The following FNDC3B variants were observed in gnomAD, a reference collection of about 807,000 sequenced individuals.
FNDC3B encodes fibronectin type III domain-containing protein 3B.
A neutral mutation model predicts 151.5 loss-of-function variants in FNDC3B; 12 were observed. That is an observed-to-expected ratio of 0.08 (90% confidence interval 0.05 to 0.13). The LOEUF (loss-of-function observed/expected upper bound fraction) is 0.13, where lower values mean the gene tolerates loss of function less well. FNDC3B is among the 10% of genes least tolerant of loss of function. The pLI, the probability that FNDC3B is intolerant of heterozygous loss-of-function variation, is 1.00. For missense variants in FNDC3B, 1,214 were observed against 1,505.3 expected, an observed-to-expected ratio of 0.81 and a Z score of 3.20; for synonymous variants, 528 against 549.0, an observed-to-expected ratio of 0.96 and a Z score of 0.54.
chr3:172,062,655 C>T (rs1047053682), intron 1 of FNDC3B, among the ~76,000 whole-genome samples: 18 of 152,086 alleles, frequency 1.2e-4, no homozygotes, highest in Non-Finnish European at 2.5e-4. Context: ...TTATGATTGG[C>T]ATTTTGCAAT....
intron 25 of FNDC3B, among the ~76,000 whole-genome samples, chr3:172,394,051 T>A (rs958175307): frequency 8.0e-6 from 1 of 124,616 alleles, no homozygotes; most frequent in African/African-American, 3.1e-5. Context: ...GAGCTTGCAG[T>A]GAGCCAAGAT....
At chr3:172,256,855 A>ATG (rs895727295) in intron 6 of FNDC3B, among the ~76,000 whole-genome samples, 7 of 152,130 alleles carry the variant, frequency 4.6e-5, no homozygotes, top group East Asian at 1.9e-4. Context: ...AATAATATGT[A>ATG]TGTGTGTGTG....
intron 1 of FNDC3B, among the ~76,000 whole-genome samples, chr3:172,081,162 T>A (rs145522093): frequency 5.8e-4 from 88 of 152,336 alleles, no homozygotes; most frequent in African/African-American, 2.0e-3. Context: ...TTGGCACTAG[T>A]GGTTTACAGA....
chr3:172,157,557 CTTCCT>C (rs1722554447), intron 3 of FNDC3B, among the ~76,000 whole-genome samples: 1 of 152,218 alleles, frequency 6.6e-6, no homozygotes, highest in Admixed American at 6.5e-5. Flanking sequence ...ACTCCCCTTT[CTTCCT>C]GCTATCCCTA....
At chr3:172,159,727 TTGA>T (rs1722673826) in intron 3 of FNDC3B, among the ~76,000 whole-genome samples, 2 of 152,208 alleles carry the variant, frequency 1.3e-5, no homozygotes, top group African/African-American at 4.8e-5. Context: ...GTAATAGCTA[TTGA>T]TGATCAAAAA....
At chr3:172,067,315 G>A (rs1041777284) in intron 1 of FNDC3B, among the ~76,000 whole-genome samples, 2 of 152,158 alleles carry the variant, frequency 1.3e-5, no homozygotes, top group African/African-American at 4.8e-5. Flanking sequence ...CCTGATTGAT[G>A]TGCTTTTTGA....
chr3:172,333,673 G>A (rs953327287), intron 14 of FNDC3B, among the ~76,000 whole-genome samples: 1 of 151,944 alleles, frequency 6.6e-6, no homozygotes, highest in Non-Finnish European at 1.5e-5. Context: ...CAACTTGTGA[G>A]CACAAAAATT....
At chr3:172,310,078 T>C (rs1435925703) in intron 10 of FNDC3B, among the ~76,000 whole-genome samples, 1 of 152,152 alleles carries the variant, frequency 6.6e-6, no homozygotes, top group Non-Finnish European at 1.5e-5. Flanking sequence ...AGTTCCACTG[T>C]CTCTCTAGAT....
At chr3:172,271,361 T>C (rs768759507) in intron 6 of FNDC3B, among the ~76,000 whole-genome samples, 5 of 152,238 alleles carry the variant, frequency 3.3e-5, no homozygotes, top group African/African-American at 4.8e-5. Flanking sequence ...AAACTATTGA[T>C]TTCCTACATA....
At chr3:172,338,312 C>CAG (rs1553792238) in intron 16 of FNDC3B, 144 of 93,154 alleles carry the variant, frequency 1.5e-3, no homozygotes, top group African/African-American at 6.1e-3. Context: ...GACTCTGTCT[C>CAG]AAAAAAAAAA....
chr3:172,054,173 T>C (rs1484347025), intron 1 of FNDC3B, among the ~76,000 whole-genome samples: 1 of 152,214 alleles, frequency 6.6e-6, no homozygotes, highest in African/African-American at 2.4e-5. Flanking sequence ...TTTCTCCTTT[T>C]AAGGTTAATA....
chr3:172,131,267 C>G (rs1721083851), intron 2 of FNDC3B, among the ~76,000 whole-genome samples: 1 of 152,004 alleles, frequency 6.6e-6, no homozygotes, highest in Non-Finnish European at 1.5e-5. Flanking sequence ...GTGGTGCAGG[C>G]CTGTAATCCC....
At chr3:172,082,798 G>A (rs992758415) in intron 1 of FNDC3B, among the ~76,000 whole-genome samples, 3 of 152,188 alleles carry the variant, frequency 2.0e-5, no homozygotes, top group Non-Finnish European at 2.9e-5. Context: ...GGTCTGTGCT[G>A]AGGGAGTGAA....
chr3:172,397,800 A>ATTTTTTTTT lies in FNDC3B; in HGVS notation c.*330_*338dup, dbSNP rs57003017. ...CACTGATGTCTTTTGCAAGCCTTTG[A>ATTTTTTTTT]TTTTTTTTTTTTTGTTACAGTTTAG... On this transcript the variant is annotated 3_prime_UTR_variant, in exon 26 of 26. Transcript: ENST00000415807. The ATTTTTTTTT allele has an allele frequency of 6.5e-6, 1 of 152,748 alleles. No individual in the cohort carries two copies. The highest frequency in any genetic ancestry group is 2.5e-5 in the African/African-American group (1 of 39,622). 9.5% of individuals were successfully genotyped at this position (152,748 alleles called of 1,614,324 possible). A position where few individuals can be genotyped will look rare whatever the true frequency, so the allele number is the denominator to read the frequency against.
intron 1 of FNDC3B, among the ~76,000 whole-genome samples, chr3:172,108,208 G>A (rs1220887060): frequency 1.3e-5 from 2 of 151,560 alleles, no homozygotes; most frequent in African/African-American, 4.9e-5. Flanking sequence ...GGTGATAATA[G>A]CTCTGTATAT....
intron 1 of FNDC3B, among the ~76,000 whole-genome samples, chr3:172,072,470 A>T (rs1038314879): frequency 6.6e-6 from 1 of 152,058 alleles, no homozygotes. Context: ...TACAAAGTGG[A>T]TAATTGAATG....
chr3:172,087,813 C>T (rs1718627219), intron 1 of FNDC3B, among the ~76,000 whole-genome samples: 1 of 152,082 alleles, frequency 6.6e-6, no homozygotes, highest in Admixed American at 6.6e-5. Context: ...CAATGCTTCT[C>T]CATTTGTGAT....
At chr3:172,317,739 A>G (rs1731883438) in intron 11 of FNDC3B, among the ~76,000 whole-genome samples, 1 of 152,242 alleles carries the variant, frequency 6.6e-6, no homozygotes, top group East Asian at 1.9e-4. Flanking sequence ...AGATAGGGAC[A>G]GTCAACAATT....
chr3:172,110,774 CT>C (rs1360160951), intron 1 of FNDC3B, among the ~76,000 whole-genome samples: 1 of 152,026 alleles, frequency 6.6e-6, no homozygotes, highest in Non-Finnish European at 1.5e-5. Context: ...CTCAGACCCC[CT>C]AATGTAAATA....
Sources: gnomAD v4.1 joint callset for allele counts (sites outside exome capture counted in the v4.1 genomes callset) on GRCh38, gnomAD v4.1.1 for gene constraint, MANE v1.5 for transcripts, NCBI Gene and HGNC (gene_info 2026-07-23, HGNC 2026-07-21) for gene names.